The following ALK variants were observed in gnomAD, a reference collection of about 807,000 sequenced individuals.
ALK encodes the protein ALK receptor tyrosine kinase.
A neutral mutation model predicts 163.1 loss-of-function variants in ALK; 74 were observed. That is an observed-to-expected ratio of 0.45 (90% CI 0.38 to 0.55). The LOEUF (loss-of-function observed/expected upper bound fraction) is 0.55. ALK is among the 20% of genes least tolerant of loss of function. ALK has a pLI of 0.00. For synonymous variants in ALK, 960 were observed against 843.2 expected, an observed-to-expected ratio of 1.14 and a Z score of -2.40; for missense variants, 2,063 against 2,105.3, an observed-to-expected ratio of 0.98 and a Z score of 0.39.
intron 4 of ALK, among the ~76,000 whole-genome samples, chr2:29,421,077 C>T (rs936754449): frequency 2.6e-5 from 4 of 151,486 alleles, no homozygotes; most frequent in Non-Finnish European, 5.9e-5. Flanking sequence ...GAAACAGTGT[C>T]GTTGGTTCTG....
At chr2:29,475,258 A>G (rs561842447) in intron 4 of ALK, among the ~76,000 whole-genome samples, 2 of 152,170 alleles carry the variant, frequency 1.3e-5, no homozygotes, top group Admixed American at 6.5e-5. Context: ...GGAAGACCTC[A>G]GGCCTCAGGG....
chr2:29,514,150 G>T (rs532776146), intron 4 of ALK, among the ~76,000 whole-genome samples: 2 of 141,534 alleles, frequency 1.4e-5, no homozygotes, highest in Non-Finnish European at 3.1e-5. Flanking sequence ...CCATTACTGG[G>T]TATATATCCA....
intron 6 of ALK, among the ~76,000 whole-genome samples, chr2:29,325,149 T>C (rs1025158680): frequency 8.6e-5 from 13 of 151,986 alleles, no homozygotes; most frequent in African/African-American, 3.1e-4. Context: ...CATGGCAGGG[T>C]TTGGTCAACT....
chr2:29,855,415 G>A (rs1003885094), intron 1 of ALK, among the ~76,000 whole-genome samples: 2 of 152,082 alleles, frequency 1.3e-5, no homozygotes, highest in African/African-American at 4.8e-5. Context: ...TTTCTTGGGG[G>A]TGACACAGGA....
chr2:29,572,902 C>G (rs1411114941), intron 3 of ALK, among the ~76,000 whole-genome samples: 1 of 152,156 alleles, frequency 6.6e-6, no homozygotes, highest in Non-Finnish European at 1.5e-5. Context: ...TTGTGGTGGT[C>G]CATGCATCTC....
In ALK at chr2:29,582,407, G is replaced by A. The variant is rs180698784; in HGVS notation, c.953-50291C>T. On this transcript the variant is annotated intron_variant, in intron 3 of 28. Coordinates refer to ENST00000389048, the MANE Select transcript of ALK (RefSeq NM_004304.5). ...AGGGCCTGGGAGGGAATTTGAGCCAGGAGCTCATAGGACCAGTCTGATAAT... is the reference window on the plus strand; with the variant it reads ...AGGGCCTGGGAGGGAATTTGAGCCAAGAGCTCATAGGACCAGTCTGATAAT... 2.4e-3 allele frequency among the ~76,000 whole-genome samples: 361 copies of A among 152,334 alleles called. 1 individual carries two copies. Among genetic ancestry groups the A allele is most frequent in the African/African-American group, 8.2e-3 (343 of 41,576 alleles).
rs1427632697 is a variant in ALK, at chr2:29,781,460, C to G, written c.668-63763G>C. 2.0e-5 allele frequency among the ~76,000 whole-genome samples: 3 copies of G among 152,184 alleles called. No individual in the cohort carries two copies. In the East Asian group the frequency reaches 5.8e-4, roughly 29 times the overall value. On this transcript the variant is annotated intron_variant, in intron 1 of 28. Coordinates refer to ENST00000389048, the MANE Select transcript of ALK (RefSeq NM_004304.5). ...ATGTCACCAAAAGGCTCCCCACCTC[C>G]AGGAAGGAGAGAGAACATGCCTGCA...
chr2:29,909,634 T>C (rs1400263077), intron 1 of ALK, among the ~76,000 whole-genome samples: 1 of 152,154 alleles, frequency 6.6e-6, no homozygotes, highest in South Asian at 2.1e-4. Context: ...AAGTAAAGAA[T>C]AGCTATCAGG....
At chr2:29,769,054 G>A (rs998868895) in intron 1 of ALK, among the ~76,000 whole-genome samples, 2 of 152,068 alleles carry the variant, frequency 1.3e-5, no homozygotes, top group African/African-American at 4.8e-5. Flanking sequence ...GGCTGGTCTT[G>A]AACTGCTGGG....
chr2:29,361,708 A>G lies in ALK; in HGVS notation c.1282+22024T>C, dbSNP rs17007954. 4.8e-3 allele frequency among the ~76,000 whole-genome samples: 736 copies of G among 152,278 alleles called. 8 individuals carry two copies. The highest frequency in any genetic ancestry group is 0.017 in the African/African-American group (710 of 41,560). On this transcript the variant is annotated intron_variant, in intron 5 of 28. Coordinates refer to ENST00000389048, the MANE Select transcript of ALK (RefSeq NM_004304.5). ...CATGTAGGGTCTTTTTCAGTGGGGC[A>G]CAGGCTCTCCCAGGACTTCTGCTTT... is the stretch of plus-strand genomic sequence containing the variant.
intron 4 of ALK, among the ~76,000 whole-genome samples, chr2:29,461,025 C>T (rs1423844109): frequency 6.6e-6 from 1 of 152,170 alleles, no homozygotes; most frequent in Admixed American, 6.5e-5. Flanking sequence ...AGACTTATTG[C>T]TGCTGTGCAG....
At chr2:29,633,504 A>G (rs1290546707) in intron 3 of ALK, among the ~76,000 whole-genome samples, 1 of 152,048 alleles carries the variant, frequency 6.6e-6, no homozygotes, top group East Asian at 1.9e-4. Flanking sequence ...TATGCTCCCA[A>G]TTCAAAAAAC....
chr2:29,193,283 C>T lies in ALK; in HGVS notation c.4804G>A (p.Gly1602Ser), dbSNP rs747161831. Residue 1602 changes from glycine to serine, a missense_variant, in exon 29 of 29, where the codon GGT (glycine) becomes AGT (serine). Transcript: ENST00000389048. ...PLEAATAPGA[G>S]HYEDTILKSK... ...TTCAGAATGGTATCCTCGTAATGACCAGCTCCAGGGGCAGTAGCGGCTTCT... is the reference window on the plus strand; with the variant it reads ...TTCAGAATGGTATCCTCGTAATGACTAGCTCCAGGGGCAGTAGCGGCTTCT... The T allele has an allele frequency of 9.9e-6, 16 of 1,614,036 alleles. No homozygotes were observed.
chr2:29,416,886 G>T (rs1448820563), intron 4 of ALK, among the ~76,000 whole-genome samples: 2 of 150,964 alleles, frequency 1.3e-5, no homozygotes, highest in African/African-American at 4.9e-5. Flanking sequence ...CCAGCATCTG[G>T]CTCAATGCCT....
At chr2:29,686,265 T>A (rs1678238099) in intron 3 of ALK, among the ~76,000 whole-genome samples, 1 of 151,996 alleles carries the variant, frequency 6.6e-6, no homozygotes, top group Non-Finnish European at 1.5e-5. Context: ...GGGCCAGGAG[T>A]TCCTCTTTCC....
At chr2:29,534,908 G>A (rs1268322481) in intron 3 of ALK, among the ~76,000 whole-genome samples, 1 of 152,124 alleles carries the variant, frequency 6.6e-6, no homozygotes, top group South Asian at 2.1e-4. Flanking sequence ...CTTATTTTCT[G>A]CAACCGGACT....
At position 29,752,389 on chromosome 2, in the gene ALK, G is replaced by A. The variant is rs1170956260; in HGVS notation, c.668-34692C>T. On this transcript the variant is annotated intron_variant, in intron 1 of 28. Transcript: ENST00000389048. ...TTTTGAGACGGAGTTTCGCTCTGTCGCCCAGGCTGGAGTGCAGTGGCGCGA... is the reference window on the plus strand; with the variant it reads ...TTTTGAGACGGAGTTTCGCTCTGTCACCCAGGCTGGAGTGCAGTGGCGCGA... 9.8e-5 allele frequency among the ~76,000 whole-genome samples: 13 copies of A among 132,610 alleles called. No homozygotes were observed. The East Asian group carries it at 2.6e-3, about 26-fold the overall frequency. The allele number at this position is 132,610 out of a possible 152,430, so 87.0% of individuals were successfully genotyped here. A position where few individuals can be genotyped will look rare whatever the true frequency, so the allele number is the denominator to read the frequency against.
At chr2:29,613,186 A>C (rs1369820158) in intron 3 of ALK, among the ~76,000 whole-genome samples, 1 of 152,210 alleles carries the variant, frequency 6.6e-6, no homozygotes, top group East Asian at 1.9e-4. Flanking sequence ...ATAAACCTAA[A>C]AAACTTTATT....
At chr2:29,540,442 A>C (rs889939580) in intron 3 of ALK, among the ~76,000 whole-genome samples, 2 of 152,166 alleles carry the variant, frequency 1.3e-5, no homozygotes. Context: ...AAGAGCCTCT[A>C]TGACCAATCA....
Sources: gnomAD v4.1 joint callset for allele counts (sites outside exome capture counted in the v4.1 genomes callset) on GRCh38, gnomAD v4.1.1 for gene constraint, MANE v1.5 for transcripts, NCBI Gene and HGNC (gene_info 2026-07-23, HGNC 2026-07-21) for gene names.